TRPM7: variants seen among roughly 807,000 people sequenced by gnomAD.
TRPM7 encodes the protein LTRPC ion channel family member 7.
A neutral mutation model predicts 229.7 loss-of-function variants in TRPM7; 134 were observed. The ratio of observed to expected loss-of-function variants is 0.58; its 90% CI spans 0.51 to 0.67. The LOEUF (loss-of-function observed/expected upper bound fraction) is 0.67, where lower values mean the gene tolerates loss of function less well. Among genes scored for constraint, TRPM7 ranks in the 30% least tolerant of loss-of-function variants. The probability of loss-of-function intolerance (pLI) is 0.00; values close to 1 mark genes in which losing one functional copy is unlikely to be tolerated. For synonymous variants in TRPM7, 699 were observed against 715.2 expected, an observed-to-expected ratio of 0.98 and a Z score of 0.36; for missense variants, 1,901 against 2,210.0, an observed-to-expected ratio of 0.86 and a Z score of 2.80.
Position 50,614,210 on chromosome 15 carries a change from A to G in TRPM7, c.1548T>C (p.Ile516=). ...TGTAGGTTCCTCCCATGAGATATTCAATAACAAGTCCTATATCAATCAGAG... is the reference window on the plus strand; with the variant it reads ...TGTAGGTTCCTCCCATGAGATATTCGATAACAAGTCCTATATCAATCAGAG... ...KITLIDIGLV[I]EYLMGGTYRC... is the part of the protein sequence containing the mutation. The change falls in exon 14 of 39, where the codon ATT becomes ATC. Residue 516 remains isoleucine (I), a synonymous_variant. Coordinates refer to ENST00000646667, the MANE Select transcript of TRPM7 (RefSeq NM_017672.6). The G allele has an allele frequency of 6.2e-7, 1 of 1,612,794 alleles. No individual in the cohort carries two copies. Among genetic ancestry groups the G allele is most frequent in the Admixed American group, 1.7e-5 (1 of 59,734 alleles).
intron 27 of TRPM7, among the ~76,000 whole-genome samples, chr15:50,587,405 CTTTT>C (rs34826776): frequency 0.039 from 3,597 of 91,424 alleles, 34 homozygotes; most frequent in Middle Eastern, 0.065. Flanking sequence ...ATAAATACTG[CTTTT>C]TTTTTTTTTT....
chr15:50,634,488 G>T lies in TRPM7; in HGVS notation c.901C>A (p.Leu301Ile). The T allele has an allele frequency of 6.3e-7, 1 of 1,580,708 alleles. No individual in the cohort carries two copies. Among genetic ancestry groups the T allele is most frequent in the Non-Finnish European group, 8.6e-7 (1 of 1,166,214 alleles). ...GGGGGGCTTTCCTGAAGGTATTCAA[G>T]AACTGTGAGGATAACATTTGGCCCA... ...EGGPNVILTV[L>I]EYLQESPPVP... Residue 301 changes from leucine to isoleucine, a missense_variant, in exon 8 of 39, where the codon CTT becomes ATT. By Grantham distance (5) the Leu-to-Ile change is conservative. Transcript: ENST00000646667.
At chr15:50,584,571 A>T (rs2054594160) in intron 28 of TRPM7, among the ~76,000 whole-genome samples, 1 of 151,430 alleles carries the variant, frequency 6.6e-6, no homozygotes, top group South Asian at 2.1e-4. Context: ...ATTTCTAGTG[A>T]TCACTTACTA....
At chr15:50,596,006 C>T (rs1247341470) in intron 23 of TRPM7, among the ~76,000 whole-genome samples, 2 of 152,072 alleles carry the variant, frequency 1.3e-5, no homozygotes, top group Admixed American at 1.3e-4. Flanking sequence ...TATTTGTTGG[C>T]AACCGAGGAA....
Position 50,586,382 on chromosome 15 carries a change from A to G in TRPM7, c.4486+10T>C. The stretch of plus-strand genomic sequence containing the variant: ...TTTTCTGACACTATTCATATGGTCA[A>G]AATACTCACCTTGTTTTGAATGAAC... On this transcript the variant is annotated intron_variant, in intron 28 of 38. Coordinates refer to ENST00000646667, the MANE Select transcript of TRPM7 (RefSeq NM_017672.6). 1 of 1,569,484 alleles carries G rather than the reference A, an allele frequency of 6.4e-7. No homozygotes were observed. Among genetic ancestry groups the G allele is most frequent in the Non-Finnish European group, 8.8e-7 (1 of 1,139,908 alleles).
intron 1 of TRPM7, among the ~76,000 whole-genome samples, chr15:50,673,324 G>C (rs1344803447): frequency 6.6e-6 from 1 of 152,076 alleles, no homozygotes; most frequent in Admixed American, 6.6e-5. Context: ...AGTTACATAA[G>C]TTAGTTCTTT....
intron 31 of TRPM7, among the ~76,000 whole-genome samples, chr15:50,578,344 T>C (rs1018398563): frequency 6.6e-6 from 1 of 152,188 alleles, no homozygotes; most frequent in African/African-American, 2.4e-5. Context: ...CTCAGCTGAC[T>C]AAAAGTTTCA....
At chr15:50,576,045 A>C (rs1049429438) in intron 31 of TRPM7, 126 bp from the exon 32 acceptor site, 1 of 909,886 alleles carries the variant, frequency 1.1e-6, no homozygotes, top group African/African-American at 1.7e-5. Flanking sequence ...AAAAACAGAA[A>C]AATTAGGGAT....
chr15:50,572,626 A>C (rs2053945024), intron 36 of TRPM7, among the ~76,000 whole-genome samples: 1 of 152,180 alleles, frequency 6.6e-6, no homozygotes, highest in Non-Finnish European at 1.5e-5. Context: ...CAGTATCTCT[A>C]ATGTATGCTT....
Position 50,609,733 on chromosome 15 carries a change from A to T in TRPM7, c.2437-9T>A, listed in dbSNP as rs764153632. The T allele has an allele frequency of 2.7e-4, 33 of 120,872 alleles. No individual in the cohort carries two copies. The highest frequency in any genetic ancestry group is 1.8e-3 in the East Asian group (6 of 3,424). 7.5% of individuals were successfully genotyped at this position (120,872 alleles called of 1,614,324 possible). ...ACTTCTTTAAACACTTCCTAAAATT[A>T]AAAAAAAAAAAATTCTTTTGTACAA... On this transcript the variant is annotated splice_polypyrimidine_tract_variant and intron_variant, in intron 18 of 38. Coordinates refer to ENST00000646667, the MANE Select transcript of TRPM7 (RefSeq NM_017672.6).
intron 26 of TRPM7, 146 bp from the exon 27 acceptor site, chr15:50,589,802 G>A: frequency 2.0e-6 from 1 of 494,118 alleles, no homozygotes. Flanking sequence ...TAGCTCTTTT[G>A]ATAAATAAAA....
intron 1 of TRPM7, among the ~76,000 whole-genome samples, chr15:50,682,682 C>T (rs2062268979): frequency 6.6e-6 from 1 of 151,996 alleles, no homozygotes; most frequent in Non-Finnish European, 1.5e-5. Flanking sequence ...TAGAACTAAT[C>T]ATATTTGTAT....
At chr15:50,674,699 T>C (rs1185433050) in intron 1 of TRPM7, among the ~76,000 whole-genome samples, 1 of 152,222 alleles carries the variant, frequency 6.6e-6, no homozygotes, top group Non-Finnish European at 1.5e-5. Context: ...AGAAATTCTG[T>C]TAGCATTTCT....
chr15:50,628,627 C>T (rs1327609583), intron 10 of TRPM7, among the ~76,000 whole-genome samples: 1 of 152,168 alleles, frequency 6.6e-6, no homozygotes, highest in Non-Finnish European at 1.5e-5. Context: ...GACATCTCCC[C>T]ACCATTCTTT....
At chr15:50,633,562 A>G (rs2060800425) in intron 8 of TRPM7, among the ~76,000 whole-genome samples, 1 of 152,176 alleles carries the variant, frequency 6.6e-6, no homozygotes, top group Non-Finnish European at 1.5e-5. Flanking sequence ...TATTCTATAT[A>G]AAAAGTGGCA....
At chr15:50,639,744 T>C (rs1423842226) in intron 5 of TRPM7, among the ~76,000 whole-genome samples, 196 bp from the exon 6 acceptor site, 1 of 151,474 alleles carries the variant, frequency 6.6e-6, no homozygotes, top group African/African-American at 2.4e-5. Flanking sequence ...TTTTTTTTTT[T>C]TTTTTTTCAG....
chr15:50,633,573 C>T (rs1339277716), intron 8 of TRPM7, among the ~76,000 whole-genome samples: 1 of 152,086 alleles, frequency 6.6e-6, no homozygotes, highest in Non-Finnish European at 1.5e-5. Context: ...AAAAGTGGCA[C>T]AATATATATG....
At position 50,560,369 on chromosome 15, in the gene TRPM7, TAC is replaced by T. The variant is rs1240795365; in HGVS notation, c.*1307_*1308del. ...AAACGTATATAGTATCTTTAAGTAATACACTTTTTCTTTCTCCCCACCCCCAA... is the reference window on the plus strand; with the variant it reads ...AAACGTATATAGTATCTTTAAGTAATACTTTTTCTTTCTCCCCACCCCCAA... On this transcript the variant is annotated 3_prime_UTR_variant, in exon 39 of 39. Coordinates refer to ENST00000646667, the MANE Select transcript of TRPM7 (RefSeq NM_017672.6). 1 of 152,622 alleles carries T rather than the reference TAC, an allele frequency of 6.6e-6. No homozygotes were observed. The highest frequency in any genetic ancestry group is 1.5e-5 in the Non-Finnish European group (1 of 68,026). 9.5% of individuals were successfully genotyped at this position (152,622 alleles called of 1,614,324 possible).
chr15:50,636,614 T>C (rs189670032), intron 7 of TRPM7, among the ~76,000 whole-genome samples: 191 of 152,292 alleles, frequency 1.3e-3, no homozygotes, highest in African/African-American at 4.5e-3. Flanking sequence ...GGTTACAAAT[T>C]TTCCTTTATT....
Sources: gnomAD v4.1 joint callset for allele counts (sites outside exome capture counted in the v4.1 genomes callset) on GRCh38, gnomAD v4.1.1 for gene constraint, MANE v1.5 for transcripts, NCBI Gene and HGNC (gene_info 2026-07-23, HGNC 2026-07-21) for gene names.